The following HYDIN variants were observed in gnomAD, a reference collection of about 807,000 sequenced individuals.
HYDIN encodes HYDIN axonemal central pair apparatus protein, also known as axonemal central pair apparatus protein HYDIN.
A neutral mutation model predicts 403.9 loss-of-function variants in HYDIN; 132 were observed. That is an observed-to-expected ratio of 0.33 (90% CI 0.28 to 0.38). The LOEUF is 0.38. Among genes scored for constraint, HYDIN ranks in the 10% least tolerant of loss-of-function variants. HYDIN has a pLI of 1.00. For missense variants in HYDIN, 2,827 were observed against 5,009.5 expected (o/e 0.56, Z 13.15); for synonymous variants, 1,202 against 1,891.7 (o/e 0.64, Z 9.46).
chr16:70,949,612 T>G (rs560684475), intron 41 of HYDIN, among the ~76,000 whole-genome samples: 1 of 152,336 alleles, frequency 6.6e-6, no homozygotes, highest in South Asian at 2.1e-4. Flanking sequence ...ATTTGCAACA[T>G]GACTGAAATA....
Position 70,803,934 on chromosome 16 carries a change from A to G in HYDIN, c.*3646T>C, listed in dbSNP as rs1035817017. The stretch of plus-strand genomic sequence containing the variant: ...GGAGTTCTGCCACACAGCTACCCTG[A>G]CATTTTCTGAACATCCCCCAGTTAG... On this transcript the variant is annotated 3_prime_UTR_variant, in exon 86 of 86. Coordinates refer to ENST00000393567, the MANE Select transcript of HYDIN (RefSeq NM_001270974.2). Among the ~76,000 whole-genome samples, 1 of 152,194 alleles carries G rather than the reference A, an allele frequency of 6.6e-6. No homozygotes were observed. Among genetic ancestry groups the G allele is most frequent in the African/African-American group, 2.4e-5 (1 of 41,452 alleles).
At position 70,909,982 on chromosome 16, in the gene HYDIN, G is replaced by A. The variant is rs567895917; in HGVS notation, c.8005-1121C>T. On this transcript the variant is annotated intron_variant, in intron 47 of 85. Coordinates refer to ENST00000393567, the MANE Select transcript of HYDIN (RefSeq NM_001270974.2). ...GCTGGGATTACAGGCGTGAGCCACC[G>A]CGCCTGGCCTCAGGCATGTCTTTAT... Among the ~76,000 whole-genome samples the A allele has an allele frequency of 3.3e-3, 504 of 151,024 alleles. 2 individuals are homozygous for A. The highest frequency in any genetic ancestry group is 0.011 in the African/African-American group (458 of 41,138).
chr16:70,807,565 T>A lies in HYDIN; in HGVS notation c.*15A>T, dbSNP rs1437336169. The A allele has an allele frequency of 1.3e-6, 2 of 1,592,282 alleles. No homozygotes were observed. On this transcript the variant is annotated 3_prime_UTR_variant, in exon 86 of 86. Transcript: ENST00000393567. The stretch of plus-strand genomic sequence containing the variant: ...ATGCATAGCTTTTGGTTGATACAGG[T>A]AACCCTGGTTACCACTAAAGGGTGA...
chr16:71,008,429 G>A (rs1032575983), intron 23 of HYDIN, among the ~76,000 whole-genome samples: 16 of 152,166 alleles, frequency 1.1e-4, no homozygotes, highest in African/African-American at 3.6e-4. Context: ...AATGATGCCT[G>A]GCACATGGTG....
At chr16:71,208,190 A>G (rs184459340) in intron 1 of HYDIN, among the ~76,000 whole-genome samples, 4 of 152,288 alleles carry the variant, frequency 2.6e-5, no homozygotes, top group Non-Finnish European at 5.9e-5. Flanking sequence ...CTCAGCAAAC[A>G]CACAAAAAAA....
At chr16:71,059,011 A>G (rs1284594764) in intron 18 of HYDIN, among the ~76,000 whole-genome samples, 1 of 152,246 alleles carries the variant, frequency 6.6e-6, no homozygotes, top group Non-Finnish European at 1.5e-5. Flanking sequence ...ACAGTATGTG[A>G]TACATATAAC....
intron 12 of HYDIN, among the ~76,000 whole-genome samples, chr16:71,081,978 TTG>T (rs1354406257): frequency 7.5e-6 from 1 of 132,738 alleles, no homozygotes; most frequent in Non-Finnish European, 1.5e-5. Flanking sequence ...ACTGAAAATA[TTG>T]TGTTATATAA....
rs932423230 is a variant in HYDIN, at chr16:70,806,163, T to C, written c.*1417A>G. Among the ~76,000 whole-genome samples the C allele has an allele frequency of 3.3e-5, 5 of 152,180 alleles. No homozygotes were observed. The highest frequency in any genetic ancestry group is 5.9e-5 in the Non-Finnish European group (4 of 68,042). On this transcript the variant is annotated 3_prime_UTR_variant, in exon 86 of 86. Transcript: ENST00000393567. Reference sequence around the variant, plus strand: ...TTATTATAATTATTACATTTTATTATTATTATTGTTAATGTCTTACTGTGC... The same window carrying C: ...TTATTATAATTATTACATTTTATTACTATTATTGTTAATGTCTTACTGTGC...
intron 53 of HYDIN, among the ~76,000 whole-genome samples, chr16:70,899,020 C>T (rs1220778784): frequency 6.6e-6 from 1 of 152,006 alleles, no homozygotes; most frequent in Admixed American, 6.6e-5. Context: ...ATCTACCCAC[C>T]TAGGCCTCCC....
intron 52 of HYDIN, among the ~76,000 whole-genome samples, chr16:70,902,543 C>T (rs369838841): frequency 8.2e-5 from 12 of 145,664 alleles, no homozygotes; most frequent in Admixed American, 8.2e-4. Context: ...CGCTTGAATC[C>T]GGGAGGCAGA....
At chr16:70,851,582 C>G (rs2038659954) in intron 73 of HYDIN, among the ~76,000 whole-genome samples, 2 of 150,886 alleles carry the variant, frequency 1.3e-5, no homozygotes, top group African/African-American at 4.9e-5. Flanking sequence ...ACAACAGATC[C>G]TGGCGAGGCT....
At chr16:71,043,906 T>C (rs933763269) in intron 18 of HYDIN, among the ~76,000 whole-genome samples, 43 of 141,726 alleles carry the variant, frequency 3.0e-4, no homozygotes, top group Admixed American at 5.7e-4. Context: ...CTGGGTAAAA[T>C]AGTGAGACCT....
intron 23 of HYDIN, among the ~76,000 whole-genome samples, chr16:70,998,055 G>A (rs55920594): frequency 0.11 from 15,876 of 149,576 alleles, no homozygotes; most frequent in African/African-American, 0.15. Context: ...GATGCAAACG[G>A]CAACTTGAAA....
intron 41 of HYDIN, among the ~76,000 whole-genome samples, chr16:70,946,840 AT>A (rs576036588): frequency 1.2e-3 from 184 of 152,284 alleles, no homozygotes; most frequent in African/African-American, 4.2e-3. Context: ...AGAGTGTTGG[AT>A]TAAATATCAT....
chr16:70,919,546 T>C (rs2076935773), intron 46 of HYDIN, among the ~76,000 whole-genome samples: 1 of 152,102 alleles, frequency 6.6e-6, no homozygotes, highest in Admixed American at 6.5e-5. Flanking sequence ...ACCTGCCACA[T>C]ATCCCTCCCA....
intron 23 of HYDIN, among the ~76,000 whole-genome samples, chr16:70,994,415 A>G (rs534703043): frequency 6.6e-6 from 1 of 152,274 alleles, no homozygotes; most frequent in Admixed American, 6.5e-5. Context: ...GCGATGGGAA[A>G]GCATGGAGAA....
At chr16:71,012,559 T>C (rs965063788) in intron 23 of HYDIN, among the ~76,000 whole-genome samples, 5 of 152,238 alleles carry the variant, frequency 3.3e-5, no homozygotes, top group African/African-American at 1.2e-4. Context: ...GAGAATTGCC[T>C]ACAAAGTCAC....
intron 67 of HYDIN, among the ~76,000 whole-genome samples, chr16:70,864,243 A>G (rs2039591544): frequency 8.2e-6 from 1 of 122,094 alleles, no homozygotes; most frequent in Non-Finnish European, 1.7e-5. Context: ...AGGCAGGAGA[A>G]TCACTTGAAC....
chr16:71,145,257 ATTTT>A (rs5817758), intron 7 of HYDIN, among the ~76,000 whole-genome samples: 3 of 142,660 alleles, frequency 2.1e-5, no homozygotes, highest in African/African-American at 7.7e-5. Context: ...TGAATGATTA[ATTTT>A]TTTTTTTTTT....
Sources: allele counts gnomAD v4.1 joint callset (sites outside exome capture counted in the v4.1 genomes callset), GRCh38; gene constraint gnomAD v4.1.1; transcripts MANE v1.5; gene names NCBI Gene and HGNC (gene_info 2026-07-23, HGNC 2026-07-21).